The following GAREM1 variants were observed in gnomAD, a reference collection of about 807,000 sequenced individuals.
GAREM1 encodes GRB2 associated regulator of MAPK1 subtype 1.
GAREM1 carries 26 observed loss-of-function variants against 71.3 expected under a neutral mutation model. The ratio of observed to expected loss-of-function variants is 0.36; its 90% CI spans 0.27 to 0.51. The LOEUF (loss-of-function observed/expected upper bound fraction) is 0.51, where lower values mean the gene tolerates loss of function less well. Among genes scored for constraint, GAREM1 ranks in the 20% least tolerant of loss-of-function variants. The pLI, the probability that GAREM1 is intolerant of heterozygous loss-of-function variation, is 0.95. For synonymous variants in GAREM1, 440 were observed against 433.2 expected (o/e 1.02, Z -0.20); for missense variants, 1,026 against 1,103.1 (o/e 0.93, Z 0.99).
At chr18:32,364,028 GTTTTT>G (rs1157200391) in intron 2 of GAREM1, among the ~76,000 whole-genome samples, 1 of 21,674 alleles carries the variant, frequency 4.6e-5, no homozygotes, top group African/African-American at 1.8e-4. Context: ...ATATATATAT[GTTTTT>G]TTTTTTTTTT....
At chr18:32,455,179 A>C (rs2048875579) in intron 1 of GAREM1, among the ~76,000 whole-genome samples, 1 of 152,140 alleles carries the variant, frequency 6.6e-6, no homozygotes, top group Non-Finnish European at 1.5e-5. Context: ...TGACATTAAG[A>C]TGTAAGATTT....
intron 1 of GAREM1, among the ~76,000 whole-genome samples, chr18:32,444,794 G>A (rs186317898): frequency 2.0e-5 from 3 of 152,128 alleles, no homozygotes; most frequent in Admixed American, 1.3e-4. Flanking sequence ...GGCTGGTTCA[G>A]CAAATTCTAG....
chr18:32,313,539 C>T (rs890351333), intron 2 of GAREM1, among the ~76,000 whole-genome samples: 1 of 152,084 alleles, frequency 6.6e-6, no homozygotes, highest in Non-Finnish European at 1.5e-5. Flanking sequence ...GAAAATCCTC[C>T]TTGACAAGAA....
At position 32,287,951 on chromosome 18, in the gene GAREM1, T is replaced by C; in HGVS notation, c.646A>G (p.Lys216Glu). Residue 216 changes from lysine (K) to glutamate (E), a missense_variant, in exon 4 of 6, where the codon AAG becomes GAG. Physicochemically the swap from Lys to Glu is moderately conservative, Grantham distance 56. Around this residue, in one of 3 missense-constraint regions of GAREM1, gnomAD observed 218 missense variants for 296.8 expected, o/e 0.73. Transcript: ENST00000269209. The surrounding 1 kb of genome is among the most constrained non-coding windows in gnomAD (Gnocchi z 5.9). Reference protein sequence around the residue: ...NESISLPFQCKGRFSTRSPLE... With the variant: ...NESISLPFQCEGRFSTRSPLE... ...GGACTTCGGGTGCTAAATCTGCCCT[T>C]GCACTGGAATGGAAGGCTAATGCTT... 1 of 1,614,106 alleles carries C rather than the reference T, an allele frequency of 6.2e-7. No individual in the cohort carries two copies. The highest frequency in any genetic ancestry group is 8.5e-7 in the Non-Finnish European group (1 of 1,180,020).
intron 4 of GAREM1, among the ~76,000 whole-genome samples, chr18:32,271,972 A>C (rs1173713747): frequency 1.3e-5 from 2 of 152,228 alleles, no homozygotes; most frequent in African/African-American, 4.8e-5. Context: ...TGACTCTGTC[A>C]AAAATGCTAT....
intron 3 of GAREM1, among the ~76,000 whole-genome samples, chr18:32,299,073 A>C (rs532044957): frequency 7.2e-5 from 11 of 152,278 alleles, no homozygotes; most frequent in Non-Finnish European, 1.6e-4. Flanking sequence ...CTCAGATGAC[A>C]AAAAAAGGAC....
chr18:32,401,960 T>A (rs1161025929), intron 1 of GAREM1, among the ~76,000 whole-genome samples: 3 of 152,154 alleles, frequency 2.0e-5, no homozygotes, highest in African/African-American at 4.8e-5. Flanking sequence ...AAGAAACCAA[T>A]GCTTATGTCT....
rs946122917 is a variant in GAREM1 at position 32,388,725 on chromosome 18, G to A, written c.262+4170C>T. The stretch of plus-strand genomic sequence containing the variant: ...ATTCTTTAAAAAATGTCTATATCAC[G>A]AAAGACAAAGACGGCTGAGGAACTT... On this transcript the variant is annotated intron_variant, in intron 2 of 5. Coordinates refer to ENST00000269209, the MANE Select transcript of GAREM1 (RefSeq NM_001242409.2). Among the ~76,000 whole-genome samples the A allele has an allele frequency of 4.6e-5, 7 of 152,094 alleles. No individual in the cohort carries two copies. The East Asian group carries it at 1.3e-3, about 29-fold the overall frequency.
rs1041058452 is a variant in GAREM1, at chr18:32,470,558, C to G, written c.-130G>C. On this transcript the variant is annotated 5_prime_UTR_variant, in exon 1 of 6. Transcript: ENST00000269209. The surrounding 1 kb of genome is among the most constrained non-coding windows in gnomAD (Gnocchi z 4.4). ...GGCGCCGGGCAGCTCCGGCCGCGGG[C>G]AGCCGGGGGGGCGCGGCGACTGGGG... is the stretch of plus-strand genomic sequence containing the variant. The G allele has an allele frequency of 6.7e-6, 4 of 596,930 alleles. No homozygotes were observed. The African/African-American group carries it at 8.1e-5, about 12-fold the overall frequency. The allele number at this position is 596,930 out of a possible 1,614,324, so 37.0% of individuals were successfully genotyped here. A position where few individuals can be genotyped will look rare whatever the true frequency, so the allele number is the denominator to read the frequency against.
At chr18:32,272,402 G>A (rs536951724) in intron 4 of GAREM1, among the ~76,000 whole-genome samples, 2 of 152,238 alleles carry the variant, frequency 1.3e-5, no homozygotes, top group Non-Finnish European at 2.9e-5. Context: ...CAGTGGGTTG[G>A]TGAAAGGGAA....
chr18:32,316,313 A>ATTGT (rs530768733), intron 2 of GAREM1, among the ~76,000 whole-genome samples: 41 of 152,290 alleles, frequency 2.7e-4, no homozygotes, highest in Non-Finnish European at 5.4e-4. Context: ...TGAATACCCA[A>ATTGT]TTGTCAGTTA....
chr18:32,358,861 G>A (rs538497076), intron 2 of GAREM1, among the ~76,000 whole-genome samples: 3 of 152,268 alleles, frequency 2.0e-5, no homozygotes, highest in African/African-American at 7.2e-5. Context: ...ATAATTTGCA[G>A]GGTTCTGTGC....
chr18:32,355,816 T>A (rs1383118207), intron 2 of GAREM1, among the ~76,000 whole-genome samples: 1 of 152,194 alleles, frequency 6.6e-6, no homozygotes, highest in Non-Finnish European at 1.5e-5. Flanking sequence ...AACCGAACTA[T>A]TTAGGTCAAT....
At chr18:32,460,115 T>TAAA (rs35244955) in intron 1 of GAREM1, among the ~76,000 whole-genome samples, 1 of 133,432 alleles carries the variant, frequency 7.5e-6, no homozygotes, top group Non-Finnish European at 1.6e-5. Context: ...TCATCTTATT[T>TAAA]AAAAAAAAAA....
At chr18:32,340,282 C>T (rs563548694) in intron 2 of GAREM1, among the ~76,000 whole-genome samples, 1 of 152,316 alleles carries the variant, frequency 6.6e-6, no homozygotes, top group Admixed American at 6.5e-5. Flanking sequence ...ATTAAACAAT[C>T]ACTCAAAGAA....
At chr18:32,413,111 G>C in intron 1 of GAREM1, 1 of 1,535,564 alleles carries the variant, frequency 6.5e-7, no homozygotes, top group South Asian at 1.1e-5. Flanking sequence ...TTGTTTCAAA[G>C]CTCAACCCTC....
intron 5 of GAREM1, among the ~76,000 whole-genome samples, chr18:32,269,351 G>C: frequency 6.6e-6 from 1 of 152,222 alleles, no homozygotes; most frequent in African/African-American, 2.4e-5. Flanking sequence ...CCTGCAAAGA[G>C]AGCTACTTTA....
In GAREM1 at chr18:32,316,139, G is replaced by C. The variant is rs116961683; in HGVS notation, c.263-5816C>G. Among the ~76,000 whole-genome samples the C allele has an allele frequency of 9.3e-3, 1,417 of 152,204 alleles. 11 individuals carry two copies. The highest frequency in any genetic ancestry group is 0.013 in the Non-Finnish European group (891 of 68,004). Reference sequence around the variant, plus strand: ...AGACTTCAGAATCACATATACATGGGAGCATGTATAAGAAATTCTACTGAG... The same window carrying C: ...AGACTTCAGAATCACATATACATGGCAGCATGTATAAGAAATTCTACTGAG... On this transcript the variant is annotated intron_variant, in intron 2 of 5. Transcript: ENST00000269209.
intron 2 of GAREM1, among the ~76,000 whole-genome samples, chr18:32,358,694 G>A (rs549130571): frequency 5.9e-5 from 9 of 152,114 alleles, no homozygotes; most frequent in African/African-American, 7.2e-5. Context: ...AAATTCCCTC[G>A]TGAGGGAATG....
Sources: gnomAD v4.1 joint callset for allele counts (sites outside exome capture counted in the v4.1 genomes callset) on GRCh38, gnomAD v4.1.1 for gene constraint, gnomAD v4.1.1 regional missense constraint, Gnocchi (gnomAD v3.1) non-coding constraint, MANE v1.5 for transcripts, NCBI Gene and HGNC (gene_info 2026-07-23, HGNC 2026-07-21) for gene names.